Variants in COL19A1 observed in about 807,000 individuals in gnomAD.
The protein encoded by COL19A1 is collagen alpha-1(XIX) chain.
In COL19A1, 159 loss-of-function variants were observed where a neutral mutation model predicts 190.2. The ratio of observed to expected loss-of-function variants is 0.84; its 90% confidence interval spans 0.73 to 0.95. The LOEUF (loss-of-function observed/expected upper bound fraction) is 0.95. Ranked by LOEUF, COL19A1 falls within the 40% of genes least tolerant of loss-of-function variation. COL19A1 has a pLI of 0.00. For missense variants in COL19A1, 1,418 were observed against 1,431.9 expected (o/e 0.99, Z 0.16); for synonymous variants, 509 against 458.9 (o/e 1.11, Z -1.39).
At chr6:70,162,218 A>G (rs757701333) in intron 35 of COL19A1, among the ~76,000 whole-genome samples, 40 of 152,278 alleles carry the variant, frequency 2.6e-4, no homozygotes, top group Non-Finnish European at 4.7e-4. Flanking sequence ...TAGAAATTGC[A>G]TATAAAAGAG....
intron 25 of COL19A1, among the ~76,000 whole-genome samples, chr6:70,146,283 G>T (rs1313942350): frequency 6.6e-6 from 1 of 152,080 alleles, no homozygotes; most frequent in Non-Finnish European, 1.5e-5. Context: ...GTCATTTGCA[G>T]AAAATGTCTT....
At chr6:70,020,129 T>G (rs1166410926) in intron 11 of COL19A1, among the ~76,000 whole-genome samples, 1 of 152,116 alleles carries the variant, frequency 6.6e-6, no homozygotes, top group Non-Finnish European at 1.5e-5. Context: ...TAGAATTTCT[T>G]GTGGTAAATT....
At chr6:69,904,736 A>G (rs1770430118) in intron 4 of COL19A1, among the ~76,000 whole-genome samples, 2 of 152,192 alleles carry the variant, frequency 1.3e-5, no homozygotes, top group Admixed American at 6.5e-5. Flanking sequence ...GGTCAAACTT[A>G]CAGCTGTTGC....
chr6:70,025,359 G>A (rs576625607), intron 12 of COL19A1, among the ~76,000 whole-genome samples: 1 of 152,244 alleles, frequency 6.6e-6, no homozygotes, highest in Non-Finnish European at 1.5e-5. Context: ...AGCCCCTATC[G>A]CTATTATGTG....
chr6:70,173,479 A>T (rs796869350), intron 41 of COL19A1, among the ~76,000 whole-genome samples: 2 of 152,324 alleles, frequency 1.3e-5, no homozygotes, highest in African/African-American at 4.8e-5. Flanking sequence ...GGTATCCTAC[A>T]ATCCAAGAGA....
At chr6:70,135,430 G>A (rs2150228400) in intron 18 of COL19A1, among the ~76,000 whole-genome samples, 1 of 152,206 alleles carries the variant, frequency 6.6e-6, no homozygotes, top group East Asian at 1.9e-4. Flanking sequence ...GCTACCTAGG[G>A]GCTGCCAGCT....
intron 9 of COL19A1, among the ~76,000 whole-genome samples, chr6:69,946,884 T>G (rs953155659): frequency 8.6e-5 from 13 of 152,030 alleles, no homozygotes; most frequent in African/African-American, 3.1e-4. Flanking sequence ...TGTGGCCCTA[T>G]AGTAGGGCTG....
intron 15 of COL19A1, among the ~76,000 whole-genome samples, chr6:70,084,635 A>T (rs1782474278): frequency 6.6e-6 from 1 of 152,060 alleles, no homozygotes. Flanking sequence ...TTCCCCTACT[A>T]ATCACTTTGA....
At chr6:69,891,057 T>C (rs777494410) in intron 2 of COL19A1, 3 of 344,290 alleles carry the variant, frequency 8.7e-6, no homozygotes, top group South Asian at 2.6e-5. Flanking sequence ...CATTTGGAGT[T>C]TGATGGCCTG....
At chr6:70,000,456 A>G (rs1777194497) in intron 11 of COL19A1, among the ~76,000 whole-genome samples, 1 of 152,184 alleles carries the variant, frequency 6.6e-6, no homozygotes. Flanking sequence ...CATCTTCCAC[A>G]ATGGTTGAAC....
intron 36 of COL19A1, among the ~76,000 whole-genome samples, chr6:70,163,884 C>G (rs1787973151): frequency 6.6e-6 from 1 of 152,126 alleles, no homozygotes; most frequent in Non-Finnish European, 1.5e-5. Context: ...CAGAGTCTGC[C>G]TTCTTGTTCA....
intron 9 of COL19A1, among the ~76,000 whole-genome samples, chr6:69,952,504 CT>C (rs1421330342): frequency 7.4e-6 from 1 of 134,868 alleles, no homozygotes. Flanking sequence ...ATAAATCAAC[CT>C]TCTGGAAGTA....
intron 16 of COL19A1, among the ~76,000 whole-genome samples, chr6:70,104,388 A>AAAGACC (rs1216021917): frequency 6.6e-6 from 1 of 152,172 alleles, no homozygotes; most frequent in Non-Finnish European, 1.5e-5. Flanking sequence ...TGGCAGCAGG[A>AAAGACC]AAGAGCGAGT....
chr6:70,001,916 G>A (rs770555195), intron 11 of COL19A1, among the ~76,000 whole-genome samples: 6 of 152,170 alleles, frequency 3.9e-5, no homozygotes, highest in African/African-American at 7.2e-5. Flanking sequence ...AATAGGAGTT[G>A]TGAGAGAGGG....
rs186991707 is a variant in COL19A1, at chr6:70,034,991, T to A, written c.1134+693T>A. On this transcript the variant is annotated intron_variant, in intron 13 of 50. Transcript: ENST00000620364. ...CACTTCAGTGTTCCCTTAGCAACTG[T>A]TGGCTATTTTAATTCAATTGTTCCA... 9.8e-5 allele frequency among the ~76,000 whole-genome samples: 15 copies of A among 152,336 alleles called. No individual in the cohort carries two copies. The East Asian group carries it at 2.5e-3, about 25-fold the overall frequency.
chr6:69,906,423 C>T (rs1046318071), intron 4 of COL19A1, among the ~76,000 whole-genome samples: 1 of 151,904 alleles, frequency 6.6e-6, no homozygotes, highest in Non-Finnish European at 1.5e-5. Context: ...ATTCTGGAGC[C>T]ATAGTGGGTT....
rs778090080 is a variant in COL19A1 at position 70,207,263 on chromosome 6, G to A, written c.3418G>A (p.Gly1140Ser). The change falls in exon 51 of 51, where the codon GGT (glycine) becomes AGT (serine). Residue 1140 changes from glycine to serine, a missense_variant. By Grantham distance (56) the Gly-to-Ser change is moderately conservative (BLOSUM62 0). Coordinates refer to ENST00000620364, the MANE Select transcript of COL19A1 (RefSeq NM_001858.6). Reference sequence around the variant, plus strand: ...TGTGTCTCATGCCCATCAGCGCACAGGTGGGAATTGAACACACCTGAAGAA... The same window carrying A: ...TGTGTCTCATGCCCATCAGCGCACAAGTGGGAATTGAACACACCTGAAGAA... ...YPVSHAHQRT[G>S]GN 6.2e-7 allele frequency: 1 copy of A among 1,613,248 alleles called. No individual in the cohort carries two copies. Among genetic ancestry groups the A allele is most frequent in the South Asian group, 1.1e-5 (1 of 91,042 alleles).
intron 42 of COL19A1, among the ~76,000 whole-genome samples, chr6:70,177,654 C>T (rs1434536748): frequency 6.6e-6 from 1 of 152,230 alleles, no homozygotes; most frequent in Admixed American, 6.5e-5. Context: ...TGAAAGTTGA[C>T]TACACACTTA....
rs928473648 is a variant in COL19A1 at position 70,083,790 on chromosome 6, A to G, written c.1224+15314A>G. ...CAGGACTTAGAACCCAGGCAGCCATATTCTATATAAAGCAAGGATAACATG... is the reference window on the plus strand; with the variant it reads ...CAGGACTTAGAACCCAGGCAGCCATGTTCTATATAAAGCAAGGATAACATG... On this transcript the variant is annotated intron_variant, in intron 15 of 50. Coordinates refer to ENST00000620364, the MANE Select transcript of COL19A1 (RefSeq NM_001858.6). Among the ~76,000 whole-genome samples, 3 of 152,194 alleles carry G rather than the reference A, an allele frequency of 2.0e-5. No individual in the cohort carries two copies. The East Asian group carries it at 5.8e-4, about 29-fold the overall frequency.
Sources: allele counts gnomAD v4.1 joint callset (sites outside exome capture counted in the v4.1 genomes callset), GRCh38; gene constraint gnomAD v4.1.1; transcripts MANE v1.5; gene names NCBI Gene and HGNC (gene_info 2026-07-23, HGNC 2026-07-21).